ANKFN1: variants seen among roughly 807,000 people sequenced by gnomAD.
ANKFN1 encodes ankyrin repeat and fibronectin type-III domain-containing protein 1.
A neutral mutation model predicts 108.7 loss-of-function variants in ANKFN1; 74 were observed. The ratio of observed to expected loss-of-function variants is 0.68; its 90% CI spans 0.56 to 0.83. The LOEUF (loss-of-function observed/expected upper bound fraction) is 0.83, where lower values mean the gene tolerates loss of function less well. Among genes scored for constraint, ANKFN1 ranks in the 40% least tolerant of loss-of-function variants. The probability of loss-of-function intolerance (pLI) is 0.00; values close to 1 mark genes in which losing one functional copy is unlikely to be tolerated. For synonymous variants in ANKFN1, 547 were observed against 516.2 expected, an observed-to-expected ratio of 1.06 and a Z score of -0.81; for missense variants, 1,505 against 1,382.3, an observed-to-expected ratio of 1.09 and a Z score of -1.41.
rs374593705 is a variant in ANKFN1 at position 56,201,210 on chromosome 17, C to T, written c.-70-11388C>T. Among the ~76,000 whole-genome samples, 51 of 152,310 alleles carry T rather than the reference C, an allele frequency of 3.3e-4. No individual in the cohort carries two copies. In the East Asian group the frequency reaches 8.3e-3, roughly 25 times the overall value. ...CCTGGATACCTCTCAAGCACTCTCT[C>T]TCTAGCCAGGATGCTCCTCCTCAAA... is the stretch of plus-strand genomic sequence containing the variant. On this transcript the variant is annotated intron_variant, in intron 1 of 20. Coordinates refer to ENST00000682825, the MANE Select transcript of ANKFN1 (RefSeq NM_001370326.1).
chr17:56,170,774 TTATATA>T lies in ANKFN1; in HGVS notation c.-71+17273_-71+17278del, dbSNP rs60304505. Among the ~76,000 whole-genome samples the T allele has an allele frequency of 5.4e-3, 371 of 68,086 alleles. 8 individuals are homozygous for T. The highest frequency in any genetic ancestry group is 0.027 in the African/African-American group (332 of 12,334). 44.7% of individuals were successfully genotyped at this position (68,086 alleles called of 152,430 possible). ...TGAGACTCTGTCAAGAAAAAATTTT[TTATATA>T]TATATATATATATATATATATATAT... On this transcript the variant is annotated intron_variant, in intron 1 of 20. Transcript: ENST00000682825.
At position 56,410,441 on chromosome 17, in the gene ANKFN1, G is replaced by A. The variant is rs145440141; in HGVS notation, c.911-29886G>A. 2.5e-3 allele frequency among the ~76,000 whole-genome samples: 384 copies of A among 152,148 alleles called. 1 individual carries two copies. The highest frequency in any genetic ancestry group is 6.8e-3 in the Middle Eastern group (2 of 294). On this transcript the variant is annotated intron_variant, in intron 8 of 20. Transcript: ENST00000682825. ...ACAAAGAATTGCATATAGTTATGGG[G>A]TATAATATGATTTGATCTATGTATA...
At position 56,270,480 on chromosome 17, in the gene ANKFN1, G is replaced by C. The variant is rs2043764267; in HGVS notation, c.53+42523G>C. Among the ~76,000 whole-genome samples, 3 of 152,326 alleles carry C rather than the reference G, an allele frequency of 2.0e-5. No homozygotes were observed. The South Asian group carries it at 6.2e-4, about 32-fold the overall frequency. ...AAAGACAGTTCTGCTCGCAAGGTAA[G>C]CTGTCCTAATCACCATCATCCTACC... On this transcript the variant is annotated intron_variant, in intron 3 of 20. Coordinates refer to ENST00000682825, the MANE Select transcript of ANKFN1 (RefSeq NM_001370326.1).
intron 5 of ANKFN1, among the ~76,000 whole-genome samples, chr17:56,352,515 G>A (rs770206671): frequency 7.9e-5 from 12 of 152,216 alleles, no homozygotes; most frequent in African/African-American, 1.2e-4. Flanking sequence ...TAAATAATAC[G>A]TGTGTTGGTC....
intron 3 of ANKFN1, among the ~76,000 whole-genome samples, chr17:56,286,971 T>G (rs2044235324): frequency 6.6e-6 from 1 of 152,052 alleles, no homozygotes; most frequent in Non-Finnish European, 1.5e-5. Context: ...CTATCAAAAT[T>G]TTCCTAGGAT....
intron 4 of ANKFN1, among the ~76,000 whole-genome samples, chr17:56,053,067 T>C (rs1200102455): frequency 6.6e-6 from 1 of 152,198 alleles, no homozygotes; most frequent in Non-Finnish European, 1.5e-5. Flanking sequence ...ACAGTAATGA[T>C]GATGAGATCA....
At chr17:56,050,177 G>T (rs1394059765) in intron 4 of ANKFN1, among the ~76,000 whole-genome samples, 1 of 150,844 alleles carries the variant, frequency 6.6e-6, no homozygotes, top group Admixed American at 6.6e-5. Flanking sequence ...TTTTTTGGCT[G>T]CATAAATGTC....
intron 8 of ANKFN1, among the ~76,000 whole-genome samples, chr17:56,437,973 G>GGTGTGTGTGT (rs150040769): frequency 0.11 from 15,092 of 142,118 alleles, 879 homozygotes; most frequent in Admixed American, 0.17. Context: ...ATCTACTGTA[G>GGTGTGTGTGT]GTGTGTGTGT....
intron 4 of ANKFN1, among the ~76,000 whole-genome samples, chr17:56,096,973 G>T (rs549335709): frequency 7.2e-5 from 11 of 152,242 alleles, no homozygotes; most frequent in African/African-American, 2.6e-4. Flanking sequence ...CAACATACAT[G>T]GAGCCAGAGG....
In ANKFN1 at chr17:56,142,017, G is replaced by GC. The variant is rs546605533; in HGVS notation, c.289-85898dup. Among the ~76,000 whole-genome samples the GC allele has an allele frequency of 1.8e-4, 25 of 141,038 alleles. 1 individual carries two copies. The highest frequency in any genetic ancestry group is 1.5e-3 in the Admixed American group (19 of 12,694). 92.5% of individuals were successfully genotyped at this position (141,038 alleles called of 152,430 possible). A position where few individuals can be genotyped will look rare whatever the true frequency, so the allele number is the denominator to read the frequency against. ...GCAATCTTGGCCCACTGCAAACTCT[G>GC]CCTCCCAGGTTCCAGTGATTCTCCT... On this transcript the variant is annotated intron_variant, in intron 4 of 12. Coordinates refer to the ANKFN1 transcript ENST00000635860.
chr17:56,377,095 C>T (rs534842950), intron 8 of ANKFN1, among the ~76,000 whole-genome samples: 30 of 152,306 alleles, frequency 2.0e-4, no homozygotes, highest in African/African-American at 7.0e-4. Context: ...TTTACCCCTG[C>T]AGCATTTAGG....
intron 4 of ANKFN1, among the ~76,000 whole-genome samples, chr17:56,062,067 C>A (rs965883940): frequency 3.3e-5 from 5 of 152,168 alleles, no homozygotes; most frequent in African/African-American, 7.2e-5. Context: ...ATCCTGAGTT[C>A]TAATTTGATT....
At chr17:56,110,507 T>C (rs1905901234) in intron 4 of ANKFN1, among the ~76,000 whole-genome samples, 1 of 152,246 alleles carries the variant, frequency 6.6e-6, no homozygotes, top group Non-Finnish European at 1.5e-5. Context: ...AAATCAGTCA[T>C]GACTTTTTCT....
chr17:56,266,625 G>A (rs1420205775), intron 3 of ANKFN1, among the ~76,000 whole-genome samples: 1 of 151,800 alleles, frequency 6.6e-6, no homozygotes. Flanking sequence ...ATTCCTACAA[G>A]GAGCTATAAT....
chr17:56,105,194 G>T (rs551267937), intron 4 of ANKFN1, among the ~76,000 whole-genome samples: 1 of 152,130 alleles, frequency 6.6e-6, no homozygotes, highest in Non-Finnish European at 1.5e-5. Context: ...ACTGAATGTG[G>T]AAACCCTCTC....
chr17:56,208,097 C>T (rs1914679133), intron 1 of ANKFN1, among the ~76,000 whole-genome samples: 1 of 152,182 alleles, frequency 6.6e-6, no homozygotes, highest in African/African-American at 2.4e-5. Flanking sequence ...GCAACCTCCA[C>T]CTCCCGGGCT....
Position 56,091,418 on chromosome 17 carries a change from TCACACACA to T in ANKFN1, c.288+45130_288+45137del, listed in dbSNP as rs34588908. On this transcript the variant is annotated intron_variant, in intron 4 of 12. Transcript: ENST00000635860. ...ATACTTCATTTTTCTTCCAAACAAA[TCACACACA>T]CACACACACACACACACACACACAC... 0.011 allele frequency among the ~76,000 whole-genome samples: 1,443 copies of T among 136,910 alleles called. 58 individuals carry two copies. The East Asian group carries it at 0.11, about 10-fold the overall frequency. The allele number at this position is 136,910 out of a possible 152,430, so 89.8% of individuals were successfully genotyped here.
intron 8 of ANKFN1, among the ~76,000 whole-genome samples, chr17:56,401,358 ATTGTATTGTATTGTGTTGTG>A (rs1157155140): frequency 1.1e-5 from 1 of 90,674 alleles, no homozygotes; most frequent in African/African-American, 3.5e-5. Flanking sequence ...ATTGTATTGT[ATTGTATTGTATTGTGTTGTG>A]TTGTGTTGTG....
chr17:56,213,790 A>C (rs7209891), intron 2 of ANKFN1, among the ~76,000 whole-genome samples: 56,357 of 152,104 alleles, frequency 0.37, 12,339 homozygotes, highest in African/African-American at 0.6. Context: ...TAAAGCAATA[A>C]GCACATGGCT....
Sources: gnomAD v4.1 joint callset for allele counts (sites outside exome capture counted in the v4.1 genomes callset) on GRCh38, gnomAD v4.1.1 for gene constraint, MANE v1.5 for transcripts, NCBI Gene and HGNC (gene_info 2026-07-23, HGNC 2026-07-21) for gene names.